Variants in ARFIP2 observed in about 807,000 individuals in gnomAD.
ARFIP2 encodes the protein ARF interacting protein 2.
In ARFIP2, 14 loss-of-function variants were observed where a neutral mutation model predicts 39.2. That is an observed-to-expected ratio of 0.36 (90% CI 0.24 to 0.56). The LOEUF (loss-of-function observed/expected upper bound fraction) is 0.56, where lower values mean the gene tolerates loss of function less well. Ranked by LOEUF, ARFIP2 falls within the 20% of genes least tolerant of loss-of-function variation. ARFIP2 has a pLI of 0.85. For missense variants in ARFIP2, 305 were observed against 422.5 expected, an observed-to-expected ratio of 0.72 and a Z score of 2.44; for synonymous variants, 167 against 172.4, an observed-to-expected ratio of 0.97 and a Z score of 0.24.
chr11:6,481,084 T>C (rs996937382), intron 1 of ARFIP2, 147 bp downstream of exon 1: 1 of 275,684 alleles, frequency 3.6e-6, no homozygotes, highest in Non-Finnish European at 7.1e-6. Context: ...CAGTCAGTTA[T>C]GTCTCCCAGG....
At position 6,478,884 on chromosome 11, in the gene ARFIP2, C is replaced by G; in HGVS notation, c.391G>C (p.Glu131Gln). Residue 131 changes from glutamate to glutamine, a missense_variant, in exon 5 of 8, where the codon GAG becomes CAG. Transcript: ENST00000396777. The surrounding 1 kb of genome is among the most constrained non-coding windows in gnomAD (Gnocchi z 4.8). ...TTGCGCTTCGTCTCACGCAGCAACT[C>G]AATCTGCAGCTCTAGCTCCAGGTCC... is the stretch of plus-strand genomic sequence containing the variant. ...TVDLELELQI[E>Q]LLRETKRKYE... 1 of 1,614,226 alleles carries G rather than the reference C, an allele frequency of 6.2e-7. No individual in the cohort carries two copies. The highest frequency in any genetic ancestry group is 8.5e-7 in the Non-Finnish European group (1 of 1,180,036).
intron 1 of ARFIP2, 200 bp from the exon 2 acceptor site, chr11:6,480,663 A>C: frequency 2.3e-6 from 1 of 444,004 alleles, no homozygotes; most frequent in Non-Finnish European, 4.0e-6. Context: ...GTCTTCTCAC[A>C]AGCCCCCAAC....
Position 6,478,977 on chromosome 11 carries a change from G to A in ARFIP2, c.316-18C>T. ...TTTGTGCACTGATTGGGAAATGGGG[G>A]AATAAATCAGAGACCCTAACAGCCT... On this transcript the variant is annotated intron_variant, in intron 4 of 7. Coordinates refer to ENST00000396777, the MANE Select transcript of ARFIP2 (RefSeq NM_001376558.2). This position sits in a 1 kb window ranked among gnomAD's most constrained non-coding sequence, Gnocchi z 4.8. 6.2e-7 allele frequency: 1 copy of A among 1,611,654 alleles called. No homozygotes were observed. Among genetic ancestry groups the A allele is most frequent in the Non-Finnish European group, 8.5e-7 (1 of 1,178,118 alleles).
chr11:6,477,586 G>A lies in ARFIP2; in HGVS notation c.870+132C>T, dbSNP rs1645149791. ...AGGGAGGGTGATCTGGAAAGGCCCAGGGGTTGAGGGGGTGAACACTCTACT... is the reference window on the plus strand; with the variant it reads ...AGGGAGGGTGATCTGGAAAGGCCCAAGGGTTGAGGGGGTGAACACTCTACT... On this transcript the variant is annotated intron_variant, in intron 7 of 7. Transcript: ENST00000396777. This position sits in a 1 kb window ranked among gnomAD's most constrained non-coding sequence, Gnocchi z 4.8. 4.8e-6 allele frequency: 5 copies of A among 1,049,646 alleles called. No homozygotes were observed. 65.0% of individuals were successfully genotyped at this position (1,049,646 alleles called of 1,614,324 possible). A position where few individuals can be genotyped will look rare whatever the true frequency, so the allele number is the denominator to read the frequency against.
In ARFIP2 at chr11:6,477,711, T is replaced by C. The variant is rs774182632; in HGVS notation, c.870+7A>G. The C allele has an allele frequency of 3.1e-6, 5 of 1,612,804 alleles. No individual in the cohort carries two copies. Among genetic ancestry groups the C allele is most frequent in the Non-Finnish European group, 3.4e-6 (4 of 1,179,550 alleles). On this transcript the variant is annotated splice_region_variant and intron_variant, in intron 7 of 7. Coordinates refer to ENST00000396777, the MANE Select transcript of ARFIP2 (RefSeq NM_001376558.2). This position sits in a 1 kb window ranked among gnomAD's most constrained non-coding sequence, Gnocchi z 4.8. ...GTGGGCTAGGGTCAAGGGGGTGGGG[T>C]TGGCACCTTGTTTTCTTCCAGGAAC...
Position 6,478,646 on chromosome 11 carries a change from C to T in ARFIP2, c.537+92G>A. The T allele has an allele frequency of 6.6e-7, 1 of 1,519,562 alleles. No homozygotes were observed. Among genetic ancestry groups the T allele is most frequent in the South Asian group, 1.3e-5 (1 of 79,302 alleles). The allele number at this position is 1,519,562 out of a possible 1,614,324, so 94.1% of individuals were successfully genotyped here. On this transcript the variant is annotated intron_variant, in intron 5 of 7. Transcript: ENST00000396777. This position sits in a 1 kb window ranked among gnomAD's most constrained non-coding sequence, Gnocchi z 4.8. ...TGGGCCCACCCTGAAGGGGTTCTCC[C>T]TGTGGGCTGCAGGAGGGAGGGAGGA... is the stretch of plus-strand genomic sequence containing the variant.
rs1851180014 is a variant in ARFIP2 at position 6,477,271 on chromosome 11, G to A, written c.871-3C>T. The A allele has an allele frequency of 3.7e-6, 6 of 1,612,142 alleles. No individual in the cohort carries two copies. The East Asian group carries it at 6.7e-5, about 18-fold the overall frequency. On this transcript the variant is annotated splice_polypyrimidine_tract_variant and splice_region_variant and intron_variant, in intron 7 of 7. Transcript: ENST00000396777. The surrounding 1 kb of genome is among the most constrained non-coding windows in gnomAD (Gnocchi z 4.8). ...AGCTGCTTGTGCATCACCTTGATCT[G>A]GGGGTCCAGCAGGGTCAGCTAAGGC...
intron 1 of ARFIP2, chr11:6,480,796 C>T: frequency 5.1e-6 from 1 of 197,440 alleles, no homozygotes; most frequent in Non-Finnish European, 1.0e-5. Context: ...AGTCTGCTCT[C>T]TTAGAACTTA....
At position 6,478,446 on chromosome 11, in the gene ARFIP2, G is replaced by T; in HGVS notation, c.538-248C>A. On this transcript the variant is annotated intron_variant, in intron 5 of 7. Coordinates refer to ENST00000396777, the MANE Select transcript of ARFIP2 (RefSeq NM_001376558.2). This position sits in a 1 kb window ranked among gnomAD's most constrained non-coding sequence, Gnocchi z 4.8. Reference sequence around the variant, plus strand: ...AGACTGGAACAGTCTGAGAGCTAGTGTGGCAAGCAGGGGAGGGGCTCTGAT... The same window carrying T: ...AGACTGGAACAGTCTGAGAGCTAGTTTGGCAAGCAGGGGAGGGGCTCTGAT... The T allele has an allele frequency of 9.9e-7, 1 of 1,005,628 alleles. No individual in the cohort carries two copies. Among genetic ancestry groups the T allele is most frequent in the Non-Finnish European group, 1.4e-6 (1 of 708,274 alleles). 62.3% of individuals were successfully genotyped at this position (1,005,628 alleles called of 1,614,324 possible). A position where few individuals can be genotyped will look rare whatever the true frequency, so the allele number is the denominator to read the frequency against.
At position 6,477,312 on chromosome 11, in the gene ARFIP2, T is replaced by G. The variant is rs1177082578; in HGVS notation, c.871-44A>C. 1 of 1,589,764 alleles carries G rather than the reference T, an allele frequency of 6.3e-7. No individual in the cohort carries two copies. The highest frequency in any genetic ancestry group is 2.3e-5 in the East Asian group (1 of 44,232). On this transcript the variant is annotated intron_variant, in intron 7 of 7. Coordinates refer to ENST00000396777, the MANE Select transcript of ARFIP2 (RefSeq NM_001376558.2). The surrounding 1 kb of genome is among the most constrained non-coding windows in gnomAD (Gnocchi z 4.8). ...CAGCTAAGGCTGGACTCAGGCGCCC[T>G]TCTTGAGGGTCTATGAGCCTGAGCC...
In ARFIP2 at chr11:6,479,995, G is replaced by C. The variant is rs992911697; in HGVS notation, c.173C>G (p.Ser58Cys). The change falls in exon 3 of 8, where the codon TCT becomes TGT. Residue 58 changes from serine to cysteine, a missense_variant. This residue lies in a region of ARFIP2 where 151 missense variants were observed against 203.1 expected (regional missense o/e 0.74). Coordinates refer to ENST00000396777, the MANE Select transcript of ARFIP2 (RefSeq NM_001376558.2). ...TSIVSGGYGG[S>C]GDGLIPTGSG... ...ACCTGTGGGGATGAGTCCATCACCA[G>C]AGCCCCCATAGCCACCAGACACAAT... 6.2e-7 allele frequency: 1 copy of C among 1,613,968 alleles called. No homozygotes were observed. Among genetic ancestry groups the C allele is most frequent in the East Asian group, 2.2e-5 (1 of 44,892 alleles).
In ARFIP2 at chr11:6,480,635, G is replaced by A. The variant is rs184259388; in HGVS notation, c.-42-172C>T. The A allele has an allele frequency of 4.7e-3, 2,323 of 495,836 alleles. 12 individuals are homozygous for A. Among genetic ancestry groups the A allele is most frequent in the Middle Eastern group, 1.0e-2 (20 of 2,002 alleles). The allele number at this position is 495,836 out of a possible 1,614,324, so 30.7% of individuals were successfully genotyped here. ...CCCTCCAAAACGCACATTTGAAACA[G>A]GCACACCAAAGCACGGTGTCTTCTC... On this transcript the variant is annotated intron_variant, in intron 1 of 7. Transcript: ENST00000396777.
chr11:6,479,480 A>T, intron 3 of ARFIP2: 1 of 794,458 alleles, frequency 1.3e-6, no homozygotes, highest in Admixed American at 2.6e-5. Context: ...AGGGGTTTGC[A>T]GGGAGTTGTT....
chr11:6,478,985 C>T lies in ARFIP2; in HGVS notation c.316-26G>A, dbSNP rs1170776422. ...CTGATTGGGAAATGGGGGAATAAAT[C>T]AGAGACCCTAACAGCCTCCCCACAC... On this transcript the variant is annotated intron_variant, in intron 4 of 7. Coordinates refer to ENST00000396777, the MANE Select transcript of ARFIP2 (RefSeq NM_001376558.2). This position sits in a 1 kb window ranked among gnomAD's most constrained non-coding sequence, Gnocchi z 4.8. 6.2e-7 allele frequency: 1 copy of T among 1,610,840 alleles called. No individual in the cohort carries two copies. Among genetic ancestry groups the T allele is most frequent in the Admixed American group, 1.7e-5 (1 of 59,932 alleles).
chr11:6,477,025 ACAAAGGATGTAC>A lies in ARFIP2; in HGVS notation c.*76_*87del. ...AGGAGCCCAAGCCAGAGGGCAAGTG[ACAAAGGATGTAC>A]CATGTCCAATCTCCCACACCCTGGG... On this transcript the variant is annotated 3_prime_UTR_variant, in exon 8 of 8. Coordinates refer to ENST00000396777, the MANE Select transcript of ARFIP2 (RefSeq NM_001376558.2). The surrounding 1 kb of genome is among the most constrained non-coding windows in gnomAD (Gnocchi z 4.8). 1.4e-6 allele frequency: 2 copies of A among 1,427,904 alleles called. 1 individual carries two copies. The highest frequency in any genetic ancestry group is 1.9e-6 in the Non-Finnish European group (2 of 1,072,642). The allele number at this position is 1,427,904 out of a possible 1,614,324, so 88.5% of individuals were successfully genotyped here.
chr11:6,477,112 C>G lies in ARFIP2; in HGVS notation c.*1G>C, dbSNP rs150607280. On this transcript the variant is annotated 3_prime_UTR_variant, in exon 8 of 8. Transcript: ENST00000396777. The surrounding 1 kb of genome is among the most constrained non-coding windows in gnomAD (Gnocchi z 4.8). ...GATAGCCAAGTTGGGCTGGGAGCAG[C>G]TCACTGCTCCTCTAGCCAGGAGGGT... 23 of 1,608,632 alleles carry G rather than the reference C, an allele frequency of 1.4e-5. No individual in the cohort carries two copies. The highest frequency in any genetic ancestry group is 2.0e-5 in the Non-Finnish European group (23 of 1,176,676).
Position 6,478,657 on chromosome 11 carries a change from AGGAG to A in ARFIP2, c.537+77_537+80del, listed in dbSNP as rs1313719825. 2 of 1,532,818 alleles carry A rather than the reference AGGAG, an allele frequency of 1.3e-6. No individual in the cohort carries two copies. Among genetic ancestry groups the A allele is most frequent in the Non-Finnish European group, 8.8e-7 (1 of 1,136,254 alleles). 95.0% of individuals were successfully genotyped at this position (1,532,818 alleles called of 1,614,324 possible). On this transcript the variant is annotated intron_variant, in intron 5 of 7. Transcript: ENST00000396777. The surrounding 1 kb of genome is among the most constrained non-coding windows in gnomAD (Gnocchi z 4.8). ...TGAAGGGGTTCTCCCTGTGGGCTGC[AGGAG>A]GGAGGGAGGATGAGGAATGACTGCC...
At position 6,477,524 on chromosome 11, in the gene ARFIP2, C is replaced by T. The variant is rs185614913; in HGVS notation, c.870+194G>A. Among the ~76,000 whole-genome samples the T allele has an allele frequency of 4.6e-4, 70 of 152,228 alleles. No homozygotes were observed. Among genetic ancestry groups the T allele is most frequent in the African/African-American group, 1.6e-3 (65 of 41,538 alleles). On this transcript the variant is annotated intron_variant, in intron 7 of 7. Transcript: ENST00000396777. This position sits in a 1 kb window ranked among gnomAD's most constrained non-coding sequence, Gnocchi z 4.8. ...TTCCCAGTTATGTTCCTGGGACCAG[C>T]AGCCAAATCCTCCAACAGGAAAGGG...
At chr11:6,480,537 T>G in intron 1 of ARFIP2, 74 bp from the exon 2 acceptor site, 1 of 750,488 alleles carries the variant, frequency 1.3e-6, no homozygotes, top group Non-Finnish European at 2.1e-6. Context: ...TGTCATTTCT[T>G]TAAAGGCTGT....
Sources: gnomAD v4.1 joint callset for allele counts (sites outside exome capture counted in the v4.1 genomes callset) on GRCh38, gnomAD v4.1.1 for gene constraint, gnomAD v4.1.1 regional missense constraint, Gnocchi (gnomAD v3.1) non-coding constraint, MANE v1.5 for transcripts, NCBI Gene and HGNC (gene_info 2026-07-23, HGNC 2026-07-21) for gene names.